Variants in CCDC102B observed in about 807,000 individuals in gnomAD.
The protein encoded by CCDC102B is coiled-coil domain-containing protein 102B.
A neutral mutation model predicts 57.4 loss-of-function variants in CCDC102B; 75 were observed. The observed-to-expected ratio is 1.31, with a 90% CI of 1.08 to 1.58. The LOEUF (loss-of-function observed/expected upper bound fraction) is 1.58. Ranked by LOEUF, CCDC102B falls within the 40% of genes most tolerant of loss-of-function variation. The pLI is 0.00. For missense variants in CCDC102B, 636 were observed against 582.6 expected (o/e 1.09, Z -0.94); for synonymous variants, 206 against 201.9 (o/e 1.02, Z -0.17).
At chr18:68,839,434 C>G (rs1385126779) in intron 3 of CCDC102B, among the ~76,000 whole-genome samples, 1 of 152,186 alleles carries the variant, frequency 6.6e-6, no homozygotes, top group South Asian at 2.1e-4. Flanking sequence ...GTGATGTTGG[C>G]TGTTGCCCCT....
chr18:68,840,965 G>A (rs1390487456), intron 3 of CCDC102B, among the ~76,000 whole-genome samples: 1 of 152,086 alleles, frequency 6.6e-6, no homozygotes, highest in Non-Finnish European at 1.5e-5. Context: ...AGAGAAAAAA[G>A]GAAGCTTTCC....
Position 69,054,043 on chromosome 18 carries a change from T to C in CCDC102B, c.1448T>C (p.Leu483Pro), listed in dbSNP as rs1482440961. ...CTTCGCTTTCAGCTTGATGATTCCC[T>C]GAATCAGATCCGTAAGCTCCAGAGG... ...NQKEDELDDS[L>P]NQIRKLQRSL... The change falls in exon 8 of 8, where the codon CTG becomes CCG. Residue 483 changes from leucine to proline, a missense_variant. By Grantham distance (98) the Leu-to-Pro change is moderately conservative. Transcript: ENST00000360242. The C allele has an allele frequency of 6.2e-7, 1 of 1,603,334 alleles. No individual in the cohort carries two copies.
At chr18:68,885,825 G>T (rs1358636231) in intron 5 of CCDC102B, among the ~76,000 whole-genome samples, 3 of 151,942 alleles carry the variant, frequency 2.0e-5, no homozygotes, top group African/African-American at 7.2e-5. Context: ...GATGAAAGTT[G>T]ATGCCAGGTA....
chr18:68,884,514 G>C (rs1481131671), intron 5 of CCDC102B, among the ~76,000 whole-genome samples: 1 of 151,472 alleles, frequency 6.6e-6, no homozygotes, highest in Non-Finnish European at 1.5e-5. Context: ...CAGGGACATT[G>C]TTGGGGATGA....
intron 6 of CCDC102B, among the ~76,000 whole-genome samples, chr18:68,960,042 T>C (rs1308204921): frequency 6.6e-6 from 1 of 152,182 alleles, no homozygotes; most frequent in Non-Finnish European, 1.5e-5. Flanking sequence ...CTCTTTTCTC[T>C]TCTTTCCTAA....
At chr18:68,959,222 G>T (rs935896647) in intron 6 of CCDC102B, among the ~76,000 whole-genome samples, 1 of 152,140 alleles carries the variant, frequency 6.6e-6, no homozygotes, top group African/African-American at 2.4e-5. Flanking sequence ...CTGCTTTAGG[G>T]GGTATCCCAA....
At chr18:68,987,315 T>A (rs554168249) in intron 6 of CCDC102B, among the ~76,000 whole-genome samples, 2 of 152,228 alleles carry the variant, frequency 1.3e-5, no homozygotes, top group Non-Finnish European at 2.9e-5. Context: ...AAACAAGCAA[T>A]GGGGAAAAGA....
At chr18:69,045,833 C>T (rs2052549964) in intron 7 of CCDC102B, among the ~76,000 whole-genome samples, 1 of 152,108 alleles carries the variant, frequency 6.6e-6, no homozygotes, top group African/African-American at 2.4e-5. Context: ...GTTTAGCTCC[C>T]ACTTATGTGT....
chr18:69,049,551 A>G (rs939006893), intron 7 of CCDC102B, among the ~76,000 whole-genome samples: 2 of 152,118 alleles, frequency 1.3e-5, no homozygotes, highest in Non-Finnish European at 2.9e-5. Context: ...AAGGTGCTAA[A>G]AATTACTGTG....
chr18:68,956,946 C>G (rs1429970602), intron 6 of CCDC102B, among the ~76,000 whole-genome samples: 1 of 151,812 alleles, frequency 6.6e-6, no homozygotes, highest in Non-Finnish European at 1.5e-5. Context: ...AATGTCTGTT[C>G]AGATAATATG....
intron 4 of CCDC102B, among the ~76,000 whole-genome samples, chr18:68,851,665 A>T (rs1477173332): frequency 1.3e-5 from 2 of 152,200 alleles, no homozygotes; most frequent in African/African-American, 4.8e-5. Context: ...TAACATGAAG[A>T]AAAAGAGAGG....
intron 1 of CCDC102B, among the ~76,000 whole-genome samples, chr18:68,807,790 C>A (rs2036086119): frequency 6.6e-6 from 1 of 152,050 alleles, no homozygotes; most frequent in Non-Finnish European, 1.5e-5. Flanking sequence ...AAGGATTCTA[C>A]TTTCTAGTTA....
At chr18:68,930,306 C>A (rs11659631) in intron 6 of CCDC102B, among the ~76,000 whole-genome samples, 1 of 149,278 alleles carries the variant, frequency 6.7e-6, no homozygotes, top group East Asian at 2.0e-4. Flanking sequence ...ACATATACTA[C>A]GTATTATATA....
intron 6 of CCDC102B, among the ~76,000 whole-genome samples, chr18:68,939,685 C>T (rs1349023751): frequency 6.6e-6 from 1 of 151,762 alleles, no homozygotes; most frequent in Non-Finnish European, 1.5e-5. Flanking sequence ...TAGATTATGC[C>T]ACAAGCAATT....
intron 2 of CCDC102B, among the ~76,000 whole-genome samples, chr18:68,791,258 T>C (rs1242958384): frequency 6.6e-6 from 1 of 152,206 alleles, no homozygotes; most frequent in Non-Finnish European, 1.5e-5. Flanking sequence ...TTAATGTTTT[T>C]GTTAAGTTGT....
chr18:69,006,392 G>GATTT (rs71931343), intron 6 of CCDC102B, among the ~76,000 whole-genome samples: 537 of 141,920 alleles, frequency 3.8e-3, no homozygotes, highest in African/African-American at 5.6e-3. Flanking sequence ...ATAGCTTTGA[G>GATTT]ATTTATTTAT....
chr18:68,996,862 C>A (rs922895236), intron 6 of CCDC102B, among the ~76,000 whole-genome samples: 1 of 152,090 alleles, frequency 6.6e-6, no homozygotes, highest in Admixed American at 6.5e-5. Context: ...TGGGAGGGGC[C>A]AGGGGAAGAA....
At chr18:68,838,683 G>A (rs2037493049) in intron 2 of CCDC102B, 23 bp from the exon 3 acceptor site, 1 of 1,601,566 alleles carries the variant, frequency 6.2e-7, no homozygotes. Context: ...GTTTAAATAT[G>A]TTTTGTTTTG....
intron 6 of CCDC102B, among the ~76,000 whole-genome samples, chr18:68,910,173 A>G (rs1173732320): frequency 2.0e-5 from 3 of 152,190 alleles, no homozygotes; most frequent in African/African-American, 7.2e-5. Flanking sequence ...CGTGCCTGAA[A>G]TCCTAGCTAC....
Sources: gnomAD v4.1 joint callset for allele counts (sites outside exome capture counted in the v4.1 genomes callset) on GRCh38, gnomAD v4.1.1 for gene constraint, MANE v1.5 for transcripts, NCBI Gene and HGNC (gene_info 2026-07-23, HGNC 2026-07-21) for gene names.